LIX1: variants seen among roughly 807,000 people sequenced by gnomAD.
LIX1 encodes the protein limb and CNS expressed 1, also known as protein limb expression 1 homolog.
LIX1 carries 24 observed loss-of-function variants against 33.4 expected under a neutral mutation model. The ratio of observed to expected loss-of-function variants is 0.72; its 90% CI spans 0.52 to 1.01. LIX1 has a LOEUF of 1.01. Ranked by LOEUF, LIX1 falls within the 50% of genes least tolerant of loss-of-function variation. The pLI is 0.00. For missense variants in LIX1, 311 were observed against 339.2 expected (o/e 0.92, Z 0.65); for synonymous variants, 124 against 124.0 (o/e 1.00, Z 0.00).
chr5:97,101,367 G>T (rs1278601627), intron 4 of LIX1, among the ~76,000 whole-genome samples: 3 of 152,120 alleles, frequency 2.0e-5, no homozygotes, highest in Non-Finnish European at 2.9e-5. Flanking sequence ...AGCTTCATGG[G>T]CATGAGGTCT....
chr5:97,121,545 G>C (rs1747785583), intron 2 of LIX1, among the ~76,000 whole-genome samples: 1 of 151,888 alleles, frequency 6.6e-6, no homozygotes, highest in South Asian at 2.1e-4. Flanking sequence ...TACTCTATTT[G>C]CTCCTCTTAA....
At chr5:97,109,855 C>T (rs940717406) in intron 2 of LIX1, among the ~76,000 whole-genome samples, 6 of 152,034 alleles carry the variant, frequency 3.9e-5, no homozygotes, top group Non-Finnish European at 8.8e-5. Context: ...GTTTTCCATT[C>T]CTGAGTTACT....
rs1425176001 is a variant in LIX1, at chr5:97,091,924, A to T, written c.*2824T>A. 1.3e-5 allele frequency: 2 copies of T among 152,368 alleles called. No homozygotes were observed. Among genetic ancestry groups the T allele is most frequent in the African/African-American group, 4.8e-5 (2 of 41,454 alleles). 9.4% of individuals were successfully genotyped at this position (152,368 alleles called of 1,614,324 possible). A position where few individuals can be genotyped will look rare whatever the true frequency, so the allele number is the denominator to read the frequency against. On this transcript the variant is annotated 3_prime_UTR_variant, in exon 6 of 6. Coordinates refer to ENST00000274382, the MANE Select transcript of LIX1 (RefSeq NM_153234.5). ...CTGTACTTTCTGACCCATTTATCCAAGTTTAGTGACAGTTTGCTCTAAACT... is the reference window on the plus strand; with the variant it reads ...CTGTACTTTCTGACCCATTTATCCATGTTTAGTGACAGTTTGCTCTAAACT...
chr5:97,118,323 A>G (rs955110563), intron 2 of LIX1, among the ~76,000 whole-genome samples: 3 of 152,236 alleles, frequency 2.0e-5, no homozygotes, highest in African/African-American at 4.8e-5. Context: ...CACTGACTTG[A>G]AAGCAAAACT....
At chr5:97,103,882 T>G (rs899530506) in intron 4 of LIX1, among the ~76,000 whole-genome samples, 2 of 151,268 alleles carry the variant, frequency 1.3e-5, no homozygotes, top group African/African-American at 2.4e-5. Context: ...GGAGAATGGC[T>G]TGAACCTGGG....
intron 2 of LIX1, among the ~76,000 whole-genome samples, chr5:97,109,442 C>T: frequency 6.6e-6 from 1 of 152,092 alleles, no homozygotes; most frequent in Non-Finnish European, 1.5e-5. Flanking sequence ...TTTGTAGAGA[C>T]AGGGTCTCAC....
chr5:97,119,874 ATAACAC>A (rs913007948), intron 2 of LIX1, among the ~76,000 whole-genome samples: 5 of 152,132 alleles, frequency 3.3e-5, no homozygotes, highest in African/African-American at 1.2e-4. Context: ...AACAAAAACA[ATAACAC>A]TAGAATTTCT....
intron 1 of LIX1, among the ~76,000 whole-genome samples, chr5:97,139,038 G>T (rs1238903723): frequency 6.6e-6 from 1 of 152,160 alleles, no homozygotes; most frequent in Non-Finnish European, 1.5e-5. Context: ...CAACACTAAT[G>T]ACATGGTAAC....
intron 2 of LIX1, among the ~76,000 whole-genome samples, chr5:97,108,242 T>C (rs1362778728): frequency 1.3e-5 from 2 of 152,232 alleles, no homozygotes; most frequent in African/African-American, 4.8e-5. Flanking sequence ...CTGATTTTCT[T>C]GAGGACTAGG....
In LIX1 at chr5:97,142,494, CAGTCTTTGA is replaced by C; in HGVS notation, c.74_82del (p.Phe25_Asp27del). 1.2e-6 allele frequency: 2 copies of C among 1,610,238 alleles called. No homozygotes were observed. Among genetic ancestry groups the C allele is most frequent in the Non-Finnish European group, 1.7e-6 (2 of 1,176,454 alleles). ...AAAACTTTTCCCCCTTCAGTACTTACAGTCTTTGAAGACTAGAGCCGGATCTCTGTGAGG... is the reference window on the plus strand; with the variant it reads ...AAAACTTTTCCCCCTTCAGTACTTACAGACTAGAGCCGGATCTCTGTGAGG... On this transcript the variant is annotated inframe_deletion and splice_region_variant, in exon 1 of 6. Transcript: ENST00000274382.
At chr5:97,096,509 G>T (rs1041775595) in intron 5 of LIX1, among the ~76,000 whole-genome samples, 1 of 152,154 alleles carries the variant, frequency 6.6e-6, no homozygotes, top group African/African-American at 2.4e-5. Flanking sequence ...AGGCAGGGGA[G>T]GTGTATGGAG....
intron 4 of LIX1, among the ~76,000 whole-genome samples, chr5:97,104,114 G>A (rs1746886234): frequency 6.6e-6 from 1 of 152,122 alleles, no homozygotes; most frequent in Non-Finnish European, 1.5e-5. Context: ...AAGTGGCTGT[G>A]CCATTGGGGT....
In LIX1 at chr5:97,142,490, C is replaced by T; in HGVS notation, c.82+5G>A. On this transcript the variant is annotated splice_donor_5th_base_variant and intron_variant, in intron 1 of 5. Coordinates refer to ENST00000274382, the MANE Select transcript of LIX1 (RefSeq NM_153234.5). ...TCAAAAAACTTTTCCCCCTTCAGTA[C>T]TTACAGTCTTTGAAGACTAGAGCCG... 6.2e-7 allele frequency: 1 copy of T among 1,609,250 alleles called. No homozygotes were observed. Among genetic ancestry groups the T allele is most frequent in the Non-Finnish European group, 8.5e-7 (1 of 1,175,552 alleles).
rs1260492677 is a variant in LIX1, at chr5:97,091,958, A to T, written c.*2790T>A. On this transcript the variant is annotated 3_prime_UTR_variant, in exon 6 of 6. Transcript: ENST00000274382. ...ACAGTTTGCTCTAAACTGCTTTTTT[A>T]AAAACAATAATATGGTAAATTTGGA... is the stretch of plus-strand genomic sequence containing the variant. 2.0e-5 allele frequency: 3 copies of T among 152,340 alleles called. No individual in the cohort carries two copies. The highest frequency in any genetic ancestry group is 1.3e-4 in the Admixed American group (2 of 15,280). The allele number at this position is 152,340 out of a possible 1,614,324, so 9.4% of individuals were successfully genotyped here.
intron 2 of LIX1, among the ~76,000 whole-genome samples, chr5:97,118,096 T>C (rs1224725446): frequency 3.9e-5 from 6 of 152,210 alleles, no homozygotes; most frequent in African/African-American, 1.4e-4. Flanking sequence ...GAAAAAGATA[T>C]AATGCCCCGA....
rs1357810876 is a variant in LIX1 at position 97,114,392 on chromosome 5, A to G, written c.247-6892T>C. Among the ~76,000 whole-genome samples the G allele has an allele frequency of 4.6e-5, 7 of 152,164 alleles. No homozygotes were observed. In the East Asian group the frequency reaches 9.6e-4, roughly 21 times the overall value. ...AAATAAACTTCCCTCGCTCTGATGAATAAAAAATTTCCCCCAAGACTAACT... is the reference window on the plus strand; with the variant it reads ...AAATAAACTTCCCTCGCTCTGATGAGTAAAAAATTTCCCCCAAGACTAACT... On this transcript the variant is annotated intron_variant, in intron 2 of 5. Coordinates refer to ENST00000274382, the MANE Select transcript of LIX1 (RefSeq NM_153234.5).
At chr5:97,137,406 G>A (rs2112800484) in intron 1 of LIX1, among the ~76,000 whole-genome samples, 1 of 151,836 alleles carries the variant, frequency 6.6e-6, no homozygotes, top group Middle Eastern at 3.4e-3. Flanking sequence ...TTGAAAACCT[G>A]TCTTCTAGGG....
intron 1 of LIX1, among the ~76,000 whole-genome samples, chr5:97,129,561 A>G (rs1484010154): frequency 1.3e-5 from 2 of 152,170 alleles, no homozygotes; most frequent in East Asian, 3.9e-4. Flanking sequence ...AAAGGAAAAA[A>G]AAAAGAAGTT....
At chr5:97,110,816 T>C (rs1747348641) in intron 2 of LIX1, among the ~76,000 whole-genome samples, 1 of 144,942 alleles carries the variant, frequency 6.9e-6, no homozygotes, top group Non-Finnish European at 1.5e-5. Flanking sequence ...TGGAAAGTAG[T>C]TTTTTTTTTC....
Sources: allele counts gnomAD v4.1 joint callset (sites outside exome capture counted in the v4.1 genomes callset), GRCh38; gene constraint gnomAD v4.1.1; transcripts MANE v1.5; gene names NCBI Gene and HGNC (gene_info 2026-07-23, HGNC 2026-07-21).